The following NPAS2 variants were observed in gnomAD, a reference collection of about 807,000 sequenced individuals.
NPAS2 encodes the protein neuronal PAS domain protein 2.
In NPAS2, 23 loss-of-function variants were observed where a neutral mutation model predicts 107.5. That is an observed-to-expected ratio of 0.21 (90% CI 0.15 to 0.30). NPAS2 has a LOEUF of 0.30. NPAS2 is among the 10% of genes least tolerant of loss of function. The pLI is 1.00. For missense variants in NPAS2, 756 were observed against 1,043.3 expected (o/e 0.72, Z 3.79); for synonymous variants, 403 against 417.5 (o/e 0.97, Z 0.42).
Position 100,977,732 on chromosome 2 carries a change from C to T in NPAS2, c.1415C>T (p.Ser472Phe), listed in dbSNP as rs753291106. The T allele has an allele frequency of 6.8e-6, 11 of 1,614,090 alleles. No homozygotes were observed. Among genetic ancestry groups the T allele is most frequent in the East Asian group, 4.5e-5 (2 of 44,886 alleles). ...TMPAPLPSPS[S>F]CDLTQQLLPQ... ...CAGGCCCCTCTGCCTTCCCCATCGT[C>T]CTGCGACCTCACACAGCAGCTCCTG... Residue 472 changes from serine (S) to phenylalanine (F), a missense_variant, in exon 15 of 21, where the codon TCC becomes TTC. Ser to Phe is a radical substitution (Grantham distance 155, BLOSUM62 -2). This residue lies in a region of NPAS2 where 496 missense variants were observed against 594.4 expected (regional missense o/e 0.83). Coordinates refer to ENST00000335681, the MANE Select transcript of NPAS2 (RefSeq NM_002518.4).
intron 1 of NPAS2, among the ~76,000 whole-genome samples, chr2:100,902,082 T>A (rs903575867): frequency 6.8e-6 from 1 of 147,490 alleles, no homozygotes; most frequent in Non-Finnish European, 1.5e-5. Flanking sequence ...AAAAAAAAAG[T>A]AGATGCTCAA....
intron 1 of NPAS2, among the ~76,000 whole-genome samples, chr2:100,862,557 G>C (rs1339865592): frequency 6.6e-6 from 1 of 152,102 alleles, no homozygotes; most frequent in East Asian, 1.9e-4. Flanking sequence ...GTGATCCAGC[G>C]GCTGCCTGAC....
intron 1 of NPAS2, among the ~76,000 whole-genome samples, chr2:100,857,604 G>C (rs141691064): frequency 1.4e-3 from 209 of 152,274 alleles, no homozygotes; most frequent in Middle Eastern, 0.01. Flanking sequence ...TTTCAGGGAG[G>C]GTTCTAATCG....
intron 2 of NPAS2, among the ~76,000 whole-genome samples, chr2:100,905,651 C>T (rs1396766474): frequency 6.6e-6 from 1 of 152,182 alleles, no homozygotes; most frequent in Non-Finnish European, 1.5e-5. Context: ...TGCAACCCCA[C>T]TGGACCAGCC....
At chr2:100,917,916 GAAGAT>G (rs1406591975) in intron 2 of NPAS2, among the ~76,000 whole-genome samples, 1 of 152,130 alleles carries the variant, frequency 6.6e-6, no homozygotes, top group African/African-American at 2.4e-5. Context: ...CCAGAAAGTT[GAAGAT>G]AAGGAAATAC....
chr2:100,981,638 C>T (rs1296016854), intron 15 of NPAS2, among the ~76,000 whole-genome samples: 2 of 152,014 alleles, frequency 1.3e-5, no homozygotes, highest in African/African-American at 4.8e-5. Flanking sequence ...TTGTTTTGTT[C>T]GTTTTTTGCA....
At position 100,971,032 on chromosome 2, in the gene NPAS2, G is replaced by A; in HGVS notation, c.1098G>A (p.Leu366=). Residue 366 remains leucine, a synonymous_variant, in exon 12 of 21, where the codon CTG becomes CTA. Coordinates refer to ENST00000335681, the MANE Select transcript of NPAS2 (RefSeq NM_002518.4). ...VRVERRQELA[L]EDPPSEALHS... ...TGGAAAGGAGGCAGGAGCTGGCTCT[G>A]GAAGACCCGCCATCCGAGGCCCTCC... is the stretch of plus-strand genomic sequence containing the variant. 1 of 1,614,186 alleles carries A rather than the reference G, an allele frequency of 6.2e-7. No homozygotes were observed. The highest frequency in any genetic ancestry group is 1.3e-5 in the African/African-American group (1 of 75,048).
At chr2:100,822,301 G>A (rs1676118166) in intron 1 of NPAS2, among the ~76,000 whole-genome samples, 1 of 152,184 alleles carries the variant, frequency 6.6e-6, no homozygotes, top group Admixed American at 6.5e-5. Context: ...TTCAGATGAT[G>A]ACTAAAGAAT....
intron 1 of NPAS2, among the ~76,000 whole-genome samples, chr2:100,856,402 G>A (rs1462273965): frequency 9.2e-5 from 14 of 152,200 alleles, no homozygotes; most frequent in Admixed American, 8.5e-4. Flanking sequence ...CCGGTCCTTG[G>A]TGCAGATCCA....
chr2:100,967,913 C>T (rs1417834260), intron 10 of NPAS2, among the ~76,000 whole-genome samples: 1 of 152,230 alleles, frequency 6.6e-6, no homozygotes, highest in South Asian at 2.1e-4. Flanking sequence ...ATTCTGGATG[C>T]TCTCTCCTGG....
In NPAS2 at chr2:100,975,562, A is replaced by G. The variant is rs150232826; in HGVS notation, c.1387A>G (p.Met463Val). The G allele has an allele frequency of 6.2e-5, 99 of 1,609,370 alleles. No individual in the cohort carries two copies. The highest frequency in any genetic ancestry group is 8.1e-5 in the Non-Finnish European group (95 of 1,177,618). The part of the protein sequence containing the change: ...PVPGLSQAAT[M>V]PAPLPSPSSC... The stretch of plus-strand genomic sequence containing the variant: ...CCCCGGGCTCAGCCAGGCAGCCACC[A>G]TGCCGGTAAGTGTGTGACCCCAAAC... The change falls in exon 14 of 21, where the codon ATG (methionine) becomes GTG (valine). Residue 463 changes from methionine (M) to valine (V), a missense_variant. Met to Val is a conservative substitution (Grantham distance 21, BLOSUM62 1). This residue lies in a region of NPAS2 where 496 missense variants were observed against 594.4 expected (regional missense o/e 0.83). Transcript: ENST00000335681.
intron 4 of NPAS2, among the ~76,000 whole-genome samples, chr2:100,935,344 G>T (rs989242197): frequency 2.0e-5 from 3 of 152,166 alleles, no homozygotes; most frequent in Non-Finnish European, 4.4e-5. Flanking sequence ...GGAAGGTTTC[G>T]TTTCCCTCTA....
intron 14 of NPAS2, 147 bp from the exon 15 acceptor site, chr2:100,977,563 G>A (rs1677099500): frequency 3.0e-6 from 2 of 677,308 alleles, no homozygotes; most frequent in Non-Finnish European, 2.6e-6. Flanking sequence ...TGCAGCCAGG[G>A]AACAGACACC....
chr2:100,925,442 AC>A (rs1447937491), intron 3 of NPAS2, 148 bp downstream of exon 3: 2 of 753,336 alleles, frequency 2.7e-6, no homozygotes, highest in African/African-American at 3.5e-5. Context: ...AAGACACTCC[AC>A]CCTCTATCAG....
intron 16 of NPAS2, 87 bp downstream of exon 16, chr2:100,982,464 C>T: frequency 1.4e-5 from 21 of 1,498,968 alleles, no homozygotes; most frequent in Non-Finnish European, 1.9e-5. Context: ...GGACTTCCTC[C>T]CAAGCCCTGT....
intron 1 of NPAS2, among the ~76,000 whole-genome samples, chr2:100,872,862 C>A (rs1295446772): frequency 6.6e-6 from 1 of 152,134 alleles, no homozygotes; most frequent in East Asian, 1.9e-4. Context: ...CTTGGTGCGT[C>A]TGTGGCATCC....
rs563225324 is a variant in NPAS2 at position 100,965,815 on chromosome 2, C to G, written c.907+49C>G. 820 of 1,219,860 alleles carry G rather than the reference C, an allele frequency of 6.7e-4. 14 individuals carry two copies. In the South Asian group the frequency reaches 7.8e-3, roughly 12 times the overall value. The allele number at this position is 1,219,860 out of a possible 1,614,324, so 75.6% of individuals were successfully genotyped here. A position where few individuals can be genotyped will look rare whatever the true frequency, so the allele number is the denominator to read the frequency against. On this transcript the variant is annotated intron_variant, in intron 10 of 20. Coordinates refer to ENST00000335681, the MANE Select transcript of NPAS2 (RefSeq NM_002518.4). This position sits in a 1 kb window ranked among gnomAD's most constrained non-coding sequence, Gnocchi z 4.3. Reference sequence around the variant, plus strand: ...GCATGGGGGCCTTGCGTTCACTCCACTGGGGCCCAGCAGCAGGGCTCTGGG... The same window carrying G: ...GCATGGGGGCCTTGCGTTCACTCCAGTGGGGCCCAGCAGCAGGGCTCTGGG...
chr2:100,934,846 C>A (rs1482330312), intron 4 of NPAS2: 1 of 985,318 alleles, frequency 1.0e-6, no homozygotes, highest in Admixed American at 6.1e-5. Context: ...GCCCATCTCT[C>A]TGTTTTTTTT....
chr2:100,980,828 C>T (rs921921898), intron 15 of NPAS2, among the ~76,000 whole-genome samples: 1 of 152,148 alleles, frequency 6.6e-6, no homozygotes, highest in African/African-American at 2.4e-5. Flanking sequence ...TAAAGGAAGT[C>T]TGAGGTCAAA....
Sources: gnomAD v4.1 joint callset for allele counts (sites outside exome capture counted in the v4.1 genomes callset) on GRCh38, gnomAD v4.1.1 for gene constraint, gnomAD v4.1.1 regional missense constraint, Gnocchi (gnomAD v3.1) non-coding constraint, MANE v1.5 for transcripts, NCBI Gene and HGNC (gene_info 2026-07-23, HGNC 2026-07-21) for gene names.